Variants in FBXL2 observed in about 807,000 individuals in gnomAD.
FBXL2 encodes F-box/LRR-repeat protein 2.
Under a neutral mutation model 69.2 loss-of-function variants are expected in FBXL2, and 38 were observed. The ratio of observed to expected loss-of-function variants is 0.55; its 90% confidence interval spans 0.42 to 0.72. The LOEUF (loss-of-function observed/expected upper bound fraction) is 0.72, where lower values mean the gene tolerates loss of function less well. FBXL2 is among the 30% of genes least tolerant of loss of function. FBXL2 has a pLI of 0.00. For missense variants in FBXL2, 354 were observed against 520.3 expected (o/e 0.68, Z 3.11); for synonymous variants, 192 against 201.3 (o/e 0.95, Z 0.39).
intron 2 of FBXL2, among the ~76,000 whole-genome samples, chr3:33,330,914 AACACACAC>A (rs112591010): frequency 1.3e-5 from 2 of 149,166 alleles, no homozygotes. Context: ...CACACACACA[AACACACAC>A]ACACACACAA....
At chr3:33,391,155 G>A (rs1181538500), downstream of FBXL2, 1 of 152,238 alleles carries the variant, frequency 6.6e-6, no homozygotes, top group East Asian at 1.9e-4. Context: ...ACTCAGCCTT[G>A]CAGGTAACCT....
At chr3:33,379,741 G>A (rs1470580057) in intron 13 of FBXL2, among the ~76,000 whole-genome samples, 1 of 149,664 alleles carries the variant, frequency 6.7e-6, no homozygotes, top group African/African-American at 2.5e-5. Context: ...AAACATAGAA[G>A]CAAGTATCTG....
intron 2 of FBXL2, among the ~76,000 whole-genome samples, chr3:33,336,602 T>C (rs2039597098): frequency 6.6e-6 from 1 of 152,192 alleles, no homozygotes; most frequent in Non-Finnish European, 1.5e-5. Flanking sequence ...TTCACTGAAG[T>C]AGGAAATTGT....
intron 2 of FBXL2, among the ~76,000 whole-genome samples, chr3:33,320,167 A>G (rs1421363705): frequency 6.6e-6 from 1 of 152,178 alleles, no homozygotes; most frequent in Non-Finnish European, 1.5e-5. Context: ...ATTTTGAAGA[A>G]AAATAGATAT....
At chr3:33,278,264 T>G (rs1464630717) in intron 1 of FBXL2, 1 of 152,206 alleles carries the variant, frequency 6.6e-6, no homozygotes, top group Non-Finnish European at 1.5e-5. Flanking sequence ...AGGTGCTGGC[T>G]TGAACAGACA....
chr3:33,390,088 C>T, downstream of FBXL2: 1 of 470,140 alleles, frequency 2.1e-6, no homozygotes, highest in South Asian at 5.0e-5. Flanking sequence ...TATGCCTGCA[C>T]CGTGGCCTCC....
At chr3:33,414,374 C>G in the FBXL2 span, among the ~76,000 whole-genome samples, 6,667 of 152,086 alleles carry the variant, frequency 0.044, 471 homozygotes, top group African/African-American at 0.15. Flanking sequence ...AGGAGATTGA[C>G]TGCATTTTCA....
At chr3:33,340,956 CTG>C (rs1301752291) in intron 2 of FBXL2, among the ~76,000 whole-genome samples, 3 of 142,814 alleles carry the variant, frequency 2.1e-5, no homozygotes, top group Non-Finnish European at 4.6e-5. Context: ...CTTATGCAAA[CTG>C]TACTAGTAAG....
At chr3:33,280,803 A>G (rs1312803166) in intron 1 of FBXL2, among the ~76,000 whole-genome samples, 1 of 151,832 alleles carries the variant, frequency 6.6e-6, no homozygotes, top group South Asian at 2.1e-4. Flanking sequence ...ATTGGGATAT[A>G]TATGACTTGT....
chr3:33,348,734 T>G (rs2040626797), intron 2 of FBXL2, among the ~76,000 whole-genome samples: 1 of 152,134 alleles, frequency 6.6e-6, no homozygotes, highest in South Asian at 2.1e-4. Flanking sequence ...TTCTAACCCA[T>G]GAACATGGAA....
downstream of FBXL2, chr3:33,408,651 G>A: frequency 6.4e-7 from 1 of 1,564,058 alleles, no homozygotes; most frequent in Middle Eastern, 1.7e-4. Flanking sequence ...ACTGCACAAG[G>A]TTTCTTGCAC....
intron 1 of FBXL2, 30 bp downstream of exon 1, chr3:33,277,545 G>T: frequency 7.8e-7 from 1 of 1,281,182 alleles, no homozygotes. Context: ...CTGCCTAGCT[G>T]CCCCGCCCTA....
At chr3:33,413,156 AC>A in the FBXL2 span, among the ~76,000 whole-genome samples, 1 of 152,218 alleles carries the variant, frequency 6.6e-6, no homozygotes, top group Admixed American at 6.5e-5. Context: ...TAAAGAAAAT[AC>A]CAGATGCACA....
At chr3:33,383,489 T>C (rs2043195888) in intron 13 of FBXL2, 1 of 175,332 alleles carries the variant, frequency 5.7e-6, no homozygotes, top group African/African-American at 2.4e-5. Flanking sequence ...TATTTGATTA[T>C]AACCTTCAAA....
At chr3:33,404,591 G>A (rs1170382843), downstream of FBXL2, among the ~76,000 whole-genome samples, 1 of 151,868 alleles carries the variant, frequency 6.6e-6, no homozygotes, top group Non-Finnish European at 1.5e-5. Flanking sequence ...AGGCTGCAGT[G>A]AGCCATGACT....
the FBXL2 span, chr3:33,409,192 C>T: frequency 6.3e-7 from 1 of 1,579,356 alleles, no homozygotes; most frequent in Non-Finnish European, 8.7e-7. Flanking sequence ...GACTAATATG[C>T]AACCTTTGCT....
chr3:33,292,530 G>T (rs948208462), intron 1 of FBXL2, among the ~76,000 whole-genome samples: 2 of 150,468 alleles, frequency 1.3e-5, no homozygotes, highest in Non-Finnish European at 3.0e-5. Context: ...AACTTGTGAA[G>T]AAAAAAAAAG....
chr3:33,369,321 G>A (rs2042147335), intron 5 of FBXL2, among the ~76,000 whole-genome samples: 1 of 151,852 alleles, frequency 6.6e-6, no homozygotes, highest in South Asian at 2.1e-4. Flanking sequence ...CGAAGTGCTG[G>A]GATTACAGGC....
intron 2 of FBXL2, among the ~76,000 whole-genome samples, chr3:33,313,615 G>GTGTT (rs2037409748): frequency 6.7e-6 from 1 of 148,310 alleles, no homozygotes; most frequent in Admixed American, 6.8e-5. Context: ...TCAGATAATT[G>GTGTT]TTTTATTTTT....
Sources: allele counts gnomAD v4.1 joint callset (sites outside exome capture counted in the v4.1 genomes callset), GRCh38; gene constraint gnomAD v4.1.1; transcripts MANE v1.5; gene names NCBI Gene and HGNC (gene_info 2026-07-23, HGNC 2026-07-21).